The following WDR77 variants were observed in gnomAD, a reference collection of about 807,000 sequenced individuals.
The protein encoded by WDR77 is WD repeat domain 77.
WDR77 carries 31 observed loss-of-function variants against 44.0 expected under a neutral mutation model. The observed-to-expected ratio is 0.70, with a 90% CI of 0.53 to 0.95. The LOEUF is 0.95. Among genes scored for constraint, WDR77 ranks in the 40% least tolerant of loss-of-function variants. The pLI is 0.00. For missense variants in WDR77, 390 were observed against 423.9 expected, an observed-to-expected ratio of 0.92 and a Z score of 0.70; for synonymous variants, 186 against 165.7, an observed-to-expected ratio of 1.12 and a Z score of -0.94.
rs1652864665 is a variant in WDR77, at chr1:111,442,692, T to C, written c.761A>G (p.His254Arg). The C allele has an allele frequency of 1.3e-6, 2 of 1,595,898 alleles. No individual in the cohort carries two copies. Among genetic ancestry groups the C allele is most frequent in the African/African-American group, 1.3e-5 (1 of 74,530 alleles). ...STSCVLSSAV[H>R]SQCVTGLVFS... Reference sequence around the variant, plus strand: ...CACCAGCCCAGTGACACACTGGGAGTGTACAGCTGAGCTCAGGACACAGCT... The same window carrying C: ...CACCAGCCCAGTGACACACTGGGAGCGTACAGCTGAGCTCAGGACACAGCT... Residue 254 changes from histidine to arginine, a missense_variant, in exon 8 of 10, where the codon CAC becomes CGC. By Grantham distance (29) the His-to-Arg change is conservative. Transcript: ENST00000235090.
Position 111,441,130 on chromosome 1 carries a change from C to A in WDR77, c.*100G>T. On this transcript the variant is annotated 3_prime_UTR_variant, in exon 10 of 10. Coordinates refer to ENST00000235090, the MANE Select transcript of WDR77 (RefSeq NM_024102.4). ...TATTAACGGCACAGATCTAGCATATCAACATACTATAGAAGGCTCCTGTGT... is the reference window on the plus strand; with the variant it reads ...TATTAACGGCACAGATCTAGCATATAAACATACTATAGAAGGCTCCTGTGT... The A allele has an allele frequency of 8.0e-7, 1 of 1,254,718 alleles. No homozygotes were observed. Among genetic ancestry groups the A allele is most frequent in the Non-Finnish European group, 1.0e-6 (1 of 959,540 alleles). The allele number at this position is 1,254,718 out of a possible 1,614,324, so 77.7% of individuals were successfully genotyped here.
At chr1:111,442,232 C>G (rs1038754571) in intron 8 of WDR77, 139 bp from the exon 9 acceptor site, 10 of 726,726 alleles carry the variant, frequency 1.4e-5, no homozygotes, top group South Asian at 3.5e-5. Flanking sequence ...CTGGCTACTA[C>G]AAGTCCACAC....
chr1:111,448,185 T>TA (rs201789890), intron 2 of WDR77, among the ~76,000 whole-genome samples: 122 of 147,302 alleles, frequency 8.3e-4, no homozygotes, highest in East Asian at 1.2e-3. Context: ...ATTCTGATTT[T>TA]AAAAAAAAAA....
In WDR77 at chr1:111,446,661, AG is replaced by A. The variant is rs375341531; in HGVS notation, c.493+433del. On this transcript the variant is annotated intron_variant, in intron 4 of 9. Transcript: ENST00000235090. ...AATACGGGCATAGAAATGGACAGGA[AG>A]GTGACTGACCAGTGGAAAAGACTAA... The A allele has an allele frequency of 1.3e-4, 21 of 158,976 alleles. No homozygotes were observed. In the East Asian group the frequency reaches 3.2e-3, roughly 24 times the overall value. The allele number at this position is 158,976 out of a possible 1,614,324, so 9.8% of individuals were successfully genotyped here. A position where few individuals can be genotyped will look rare whatever the true frequency, so the allele number is the denominator to read the frequency against.
At chr1:111,442,413 T>C (rs1420888463) in intron 8 of WDR77, among the ~76,000 whole-genome samples, 2 of 152,204 alleles carry the variant, frequency 1.3e-5, no homozygotes, top group East Asian at 1.9e-4. Context: ...ATTTTGGGTG[T>C]TGGGCAGGAA....
chr1:111,440,066 T>A lies in WDR77; in HGVS notation c.*1164A>T, dbSNP rs187006982. On this transcript the variant is annotated 3_prime_UTR_variant, in exon 10 of 10. Transcript: ENST00000235090. ...TAATTGATTATATTTACTTTCAATA[T>A]AATCAGTAATTGATCCATGACTCCT... 257 of 152,748 alleles carry A rather than the reference T, an allele frequency of 1.7e-3. 1 individual carries two copies. The highest frequency in any genetic ancestry group is 5.8e-3 in the African/African-American group (243 of 41,562). The allele number at this position is 152,748 out of a possible 1,614,324, so 9.5% of individuals were successfully genotyped here.
intron 1 of WDR77, 70 bp downstream of exon 1, chr1:111,448,985 G>A (rs889896551): frequency 1.3e-6 from 2 of 1,540,754 alleles, no homozygotes; most frequent in Non-Finnish European, 1.7e-6. Context: ...TGGGCTGGGA[G>A]GGTCAGTCTC....
At position 111,443,349 on chromosome 1, in the gene WDR77, G is replaced by A; in HGVS notation, c.665C>T (p.Pro222Leu). ...AAAGACAAAGACTTCACTTTGCTGA[G>A]GATGCCAAGCCAGCGAGGTAGGAAG... The part of the protein sequence containing the change: ...GYLPTSLAWH[P>L]QQSEVFVFGD... The change falls in exon 7 of 10, where the codon CCT (proline) becomes CTT (leucine). Residue 222 changes from proline (P) to leucine (L), a missense_variant. Coordinates refer to ENST00000235090, the MANE Select transcript of WDR77 (RefSeq NM_024102.4). 1 of 1,552,098 alleles carries A rather than the reference G, an allele frequency of 6.4e-7. No individual in the cohort carries two copies. The highest frequency in any genetic ancestry group is 8.7e-7 in the Non-Finnish European group (1 of 1,147,190).
intron 4 of WDR77, 109 bp downstream of exon 4, chr1:111,446,986 C>A: frequency 1.8e-6 from 2 of 1,139,818 alleles, no homozygotes; most frequent in South Asian, 2.8e-5. Context: ...TATTGTTTTA[C>A]AAGAAAACTA....
chr1:111,443,886 G>C lies in WDR77; in HGVS notation c.600C>G (p.Pro200=). The part of the protein sequence containing the change: ...NRILLWDTRC[P]KPASQIGCSA... ...ACTCACCAATCTGTGATGCTGGCTT[G>C]GGACAGCGGGTATCCCAGAGTAAAA... Residue 200 remains proline, a synonymous_variant, in exon 6 of 10, where the codon CCC becomes CCG. Transcript: ENST00000235090. 6.2e-7 allele frequency: 1 copy of C among 1,614,136 alleles called. No homozygotes were observed. The highest frequency in any genetic ancestry group is 8.5e-7 in the Non-Finnish European group (1 of 1,179,996).
intron 4 of WDR77, 96 bp from the exon 5 acceptor site, chr1:111,444,220 G>T: frequency 8.1e-7 from 1 of 1,235,898 alleles, no homozygotes; most frequent in Admixed American, 1.9e-5. Context: ...GAGGGAGGGA[G>T]GGCTGGTCTC....
chr1:111,446,764 A>C (rs142532713), intron 4 of WDR77: 4,915 of 223,060 alleles, frequency 0.022, 85 homozygotes, highest in Middle Eastern at 0.042. Context: ...TGTGTTGCCA[A>C]GGTGGTGAGG....
In WDR77 at chr1:111,440,040, A is replaced by G. The variant is rs894499703; in HGVS notation, c.*1190T>C. ...TTGAACCTGCAAAGCTCAAAAGTAC[A>G]TAATTGATTATATTTACTTTCAATA... On this transcript the variant is annotated 3_prime_UTR_variant, in exon 10 of 10. Transcript: ENST00000235090. 6.6e-6 allele frequency: 1 copy of G among 152,664 alleles called. No individual in the cohort carries two copies. Among genetic ancestry groups the G allele is most frequent in the Non-Finnish European group, 1.5e-5 (1 of 68,048 alleles). The allele number at this position is 152,664 out of a possible 1,614,324, so 9.5% of individuals were successfully genotyped here. A position where few individuals can be genotyped will look rare whatever the true frequency, so the allele number is the denominator to read the frequency against.
At chr1:111,448,925 G>A (rs1351593832) in intron 1 of WDR77, 121 bp from the exon 2 acceptor site, 1 of 1,540,520 alleles carries the variant, frequency 6.5e-7, no homozygotes, top group Non-Finnish European at 8.7e-7. Flanking sequence ...GCAGGGCTGG[G>A]GACAGCTCGG....
rs1557797373 is a variant in WDR77, at chr1:111,449,240, C to A, written c.-71G>T. The A allele has an allele frequency of 6.5e-7, 1 of 1,535,992 alleles. No homozygotes were observed. Among genetic ancestry groups the A allele is most frequent in the Non-Finnish European group, 8.7e-7 (1 of 1,146,822 alleles). ...GGAGACTCCGCTCCGGCAGCAAACC[C>A]CACGTGGTGCACCTCTGAGCCTCCG... is the stretch of plus-strand genomic sequence containing the variant. On this transcript the variant is annotated 5_prime_UTR_variant, in exon 1 of 10. Transcript: ENST00000235090.
At chr1:111,444,646 C>G (rs1652951509) in intron 4 of WDR77, among the ~76,000 whole-genome samples, 2 of 152,138 alleles carry the variant, frequency 1.3e-5, no homozygotes, top group African/African-American at 2.4e-5. Flanking sequence ...CGCTACAATG[C>G]TCAGGGGTAT....
At chr1:111,448,597 G>A (rs1653155940) in intron 2 of WDR77, 22 bp downstream of exon 2, 1 of 1,613,968 alleles carries the variant, frequency 6.2e-7, no homozygotes, top group Non-Finnish European at 8.5e-7. Context: ...GGGTGGGGGT[G>A]GATAATGGGA....
At chr1:111,442,115 T>C in intron 8 of WDR77, 22 bp from the exon 9 acceptor site, 3 of 1,611,534 alleles carry the variant, frequency 1.9e-6, no homozygotes, top group Non-Finnish European at 2.5e-6. Flanking sequence ...AGGAGAGGGT[T>C]GTGAAAGGTC....
In WDR77 at chr1:111,440,872, A is replaced by G. The variant is rs932478086; in HGVS notation, c.*358T>C. On this transcript the variant is annotated 3_prime_UTR_variant, in exon 10 of 10. Coordinates refer to ENST00000235090, the MANE Select transcript of WDR77 (RefSeq NM_024102.4). ...CCCATAACCCACCCAGACACGGCCAATTCCTCATAGACAGCTACATAAAAC... is the reference window on the plus strand; with the variant it reads ...CCCATAACCCACCCAGACACGGCCAGTTCCTCATAGACAGCTACATAAAAC... 5.0e-5 allele frequency: 8 copies of G among 159,542 alleles called. No individual in the cohort carries two copies. The highest frequency in any genetic ancestry group is 1.3e-4 in the Admixed American group (2 of 15,476). The allele number at this position is 159,542 out of a possible 1,614,324, so 9.9% of individuals were successfully genotyped here.
Sources: gnomAD v4.1 joint callset for allele counts (sites outside exome capture counted in the v4.1 genomes callset) on GRCh38, gnomAD v4.1.1 for gene constraint, MANE v1.5 for transcripts, NCBI Gene and HGNC (gene_info 2026-07-23, HGNC 2026-07-21) for gene names.